Variants in EGFR observed in about 807,000 individuals in gnomAD.
EGFR encodes the protein epidermal growth factor receptor.
A neutral mutation model predicts 143.0 loss-of-function variants in EGFR; 58 were observed. The ratio of observed to expected loss-of-function variants is 0.41; its 90% CI spans 0.33 to 0.50. The LOEUF is 0.50. Ranked by LOEUF, EGFR falls within the 20% of genes least tolerant of loss-of-function variation. The probability of loss-of-function intolerance (pLI) is 0.39; values close to 1 mark genes in which losing one functional copy is unlikely to be tolerated. For missense variants in EGFR, 1,307 were observed against 1,579.0 expected (o/e 0.83, Z 2.92); for synonymous variants, 613 against 594.4 (o/e 1.03, Z -0.45).
chr7:55,126,765 A>G (rs1793547023), intron 1 of EGFR, among the ~76,000 whole-genome samples: 2 of 152,374 alleles, frequency 1.3e-5, no homozygotes, highest in South Asian at 4.1e-4. Context: ...TACATGAATT[A>G]GAAAATCTAG....
At chr7:55,200,983 A>G (rs1787820746) in intron 24 of EGFR, among the ~76,000 whole-genome samples, 1 of 152,170 alleles carries the variant, frequency 6.6e-6, no homozygotes, top group Non-Finnish European at 1.5e-5. Flanking sequence ...TCAAGCATCA[A>G]AGGATGGTTC....
At chr7:55,104,862 G>A (rs191786712) in intron 1 of EGFR, among the ~76,000 whole-genome samples, 96 of 152,326 alleles carry the variant, frequency 6.3e-4, no homozygotes, top group Non-Finnish European at 1.1e-3. Flanking sequence ...GTGATTTATA[G>A]TCATGTATTG....
intron 4 of EGFR, 70 bp from the exon 5 acceptor site, chr7:55,151,224 G>A: frequency 6.8e-7 from 1 of 1,468,740 alleles, no homozygotes; most frequent in Non-Finnish European, 9.5e-7. Context: ...CTTAACTCAG[G>A]CCCGGGAAAG....
chr7:55,151,419 G>C (rs1785144870), intron 5 of EGFR, 57 bp downstream of exon 5: 12 of 1,565,802 alleles, frequency 7.7e-6, no homozygotes, highest in Admixed American at 1.7e-5. Context: ...TCCTTCACTT[G>C]CTTAGGTGAT....
chr7:55,166,708 G>A (rs1388869035), intron 15 of EGFR, among the ~76,000 whole-genome samples: 1 of 144,514 alleles, frequency 6.9e-6, no homozygotes, highest in Non-Finnish European at 1.5e-5. Flanking sequence ...TGTTGATGGT[G>A]GTGAGGAGGT....
intron 1 of EGFR, among the ~76,000 whole-genome samples, chr7:55,078,926 G>A (rs774380189): frequency 6.6e-6 from 1 of 152,170 alleles, no homozygotes; most frequent in Non-Finnish European, 1.5e-5. Context: ...GGAGACTCCC[G>A]GTGCCCGGGG....
intron 1 of EGFR, among the ~76,000 whole-genome samples, chr7:55,106,410 C>T (rs1055174470): frequency 6.6e-6 from 1 of 152,228 alleles, no homozygotes; most frequent in Non-Finnish European, 1.5e-5. Flanking sequence ...GCAAGCCCAC[C>T]TTTTCCCTTC....
intron 1 of EGFR, among the ~76,000 whole-genome samples, chr7:55,032,486 A>G (rs888505505): frequency 2.6e-5 from 4 of 152,170 alleles, no homozygotes; most frequent in East Asian, 3.9e-4. Context: ...GAGCCTTTGC[A>G]TGTGTGGCAG....
Position 55,151,328 on chromosome 7 carries a change from C to T in EGFR, c.594C>T (p.Ser198=), listed in dbSNP as rs370376501. 274 of 1,614,106 alleles carry T rather than the reference C, an allele frequency of 1.7e-4. 1 individual carries two copies. The highest frequency in any genetic ancestry group is 2.1e-4 in the Non-Finnish European group (242 of 1,180,046). ...GTGATCCAAGCTGTCCCAATGGGAG[C>T]TGCTGGGGTGCAGGAGAGGAGAACT... The part of the protein sequence containing the change: ...QKCDPSCPNG[S]CWGAGEENCQ... Residue 198 remains serine (S), a synonymous_variant, in exon 5 of 28, where the codon AGC becomes AGT. Coordinates refer to ENST00000275493, the MANE Select transcript of EGFR (RefSeq NM_005228.5).
intron 20 of EGFR, chr7:55,188,809 C>T (rs899008132): frequency 2.0e-5 from 3 of 152,216 alleles, no homozygotes; most frequent in Admixed American, 2.0e-4. Flanking sequence ...ATGGGATTCT[C>T]TCCTTGTCCC....
At chr7:55,183,821 C>A (rs749353415) in intron 20 of EGFR, among the ~76,000 whole-genome samples, 2 of 152,334 alleles carry the variant, frequency 1.3e-5, no homozygotes, top group Admixed American at 6.5e-5. Context: ...CAAACCCGGC[C>A]CTGCATGTGG....
At chr7:55,101,866 C>T (rs992907446) in intron 1 of EGFR, among the ~76,000 whole-genome samples, 4 of 152,200 alleles carry the variant, frequency 2.6e-5, no homozygotes, top group African/African-American at 4.8e-5. Context: ...GGTTGAGCAA[C>T]GGAGGTTCAG....
intron 19 of EGFR, chr7:55,180,783 T>G (rs959781408): frequency 1.1e-5 from 2 of 177,678 alleles, no homozygotes; most frequent in Admixed American, 1.1e-4. Context: ...CCCTGCTGGC[T>G]CGGTGCTCCC....
chr7:55,179,374 G>A (rs768117775), intron 19 of EGFR, among the ~76,000 whole-genome samples: 2 of 152,250 alleles, frequency 1.3e-5, no homozygotes, highest in Non-Finnish European at 2.9e-5. Flanking sequence ...AGGCAATGCT[G>A]AGGCTGCTTT....
rs2128937471 is a variant in EGFR, at chr7:55,155,888, T to A, written c.948T>A (p.Tyr316Ter). 6.2e-7 allele frequency: 1 copy of A among 1,613,944 alleles called. No homozygotes were observed. The highest frequency in any genetic ancestry group is 8.5e-7 in the Non-Finnish European group (1 of 1,179,994). The change falls in exon 8 of 28, where the codon TAT becomes TAA. Residue 316 changes from tyrosine (Y) to a stop codon, truncating the protein, a stop_gained. Transcript: ENST00000275493. LOFTEE classifies it high-confidence loss of function. ...TCCGAGCCTGTGGGGCCGACAGCTA[T>A]GAGATGGAGGAAGACGGCGTCCGCA... ...SCVRACGADSYEMEEDGVRKC... is the reference protein window; with the variant it reads ...SCVRACGADS
chr7:55,049,252 G>T (rs943813627), intron 1 of EGFR, among the ~76,000 whole-genome samples: 1 of 152,080 alleles, frequency 6.6e-6, no homozygotes, highest in African/African-American at 2.4e-5. Flanking sequence ...AAGCTCTACC[G>T]CCTGTTTATA....
chr7:55,031,035 A>G (rs978010263), intron 1 of EGFR, among the ~76,000 whole-genome samples: 6 of 152,262 alleles, frequency 3.9e-5, no homozygotes, highest in Non-Finnish European at 7.3e-5. Flanking sequence ...GTTTATTCCT[A>G]ACATAGTGGA....
rs2128971343 is a variant in EGFR, at chr7:55,201,127, G to A, written c.2947-61G>A. The A allele has an allele frequency of 3.1e-6, 5 of 1,610,726 alleles. No homozygotes were observed. The East Asian group carries it at 8.9e-5, about 29-fold the overall frequency. ...CTGGCAATAGACCCCTGCTCCTATA[G>A]CCAAGAAGTGGAATAGCATCTCTAC... is the stretch of plus-strand genomic sequence containing the variant. On this transcript the variant is annotated intron_variant, in intron 24 of 27. Coordinates refer to ENST00000275493, the MANE Select transcript of EGFR (RefSeq NM_005228.5).
chr7:55,156,628 G>C lies in EGFR; in HGVS notation c.1102G>C (p.Asp368His), dbSNP rs749927550. Residue 368 changes from aspartate (D) to histidine (H), a missense_variant, in exon 9 of 28, where the codon GAT becomes CAT. Physicochemically the swap from Asp to His is moderately conservative, Grantham distance 81 (BLOSUM62 -1). Coordinates refer to ENST00000275493, the MANE Select transcript of EGFR (RefSeq NM_005228.5). Reference sequence around the variant, plus strand: ...CAAAAACTGCACCTCCATCAGTGGCGATCTCCACATCCTGCCGGTGGCATT... The same window carrying C: ...CAAAAACTGCACCTCCATCAGTGGCCATCTCCACATCCTGCCGGTGGCATT... ...HFKNCTSISGDLHILPVAFRG... is the reference protein window; with the variant it reads ...HFKNCTSISGHLHILPVAFRG... 6.2e-7 allele frequency: 1 copy of C among 1,614,248 alleles called. No homozygotes were observed. The highest frequency in any genetic ancestry group is 1.1e-5 in the South Asian group (1 of 91,088).
Sources: allele counts gnomAD v4.1 joint callset (sites outside exome capture counted in the v4.1 genomes callset), GRCh38; gene constraint gnomAD v4.1.1; transcripts MANE v1.5; gene names NCBI Gene and HGNC (gene_info 2026-07-23, HGNC 2026-07-21).